Variants in SYT16 observed in about 807,000 individuals in gnomAD.
The protein encoded by SYT16 is synaptotagmin-16.
SYT16 carries 42 observed loss-of-function variants against 61.4 expected under a neutral mutation model. That is an observed-to-expected ratio of 0.68 (90% confidence interval 0.53 to 0.89). The LOEUF is 0.89. Ranked by LOEUF, SYT16 falls within the 40% of genes least tolerant of loss-of-function variation. The probability of loss-of-function intolerance (pLI) is 0.00; values close to 1 mark genes in which losing one functional copy is unlikely to be tolerated. For missense variants in SYT16, 804 were observed against 807.3 expected (o/e 1.00, Z 0.05); for synonymous variants, 314 against 302.3 (o/e 1.04, Z -0.40).
intron 1 of SYT16, among the ~76,000 whole-genome samples, chr14:61,919,230 T>G (rs1049992050): frequency 3.3e-5 from 5 of 152,228 alleles, no homozygotes; most frequent in African/African-American, 9.6e-5. Context: ...CCCATTTTCC[T>G]AAGACAGATC....
At chr14:62,040,026 C>CTT (rs1019972795) in intron 3 of SYT16, among the ~76,000 whole-genome samples, 4 of 146,894 alleles carry the variant, frequency 2.7e-5, no homozygotes, top group African/African-American at 1.0e-4. Context: ...CTTGGTTCTG[C>CTT]TTTTTTTTTT....
intron 1 of SYT16, among the ~76,000 whole-genome samples, chr14:61,950,089 CCTTT>C (rs1015934578): frequency 6.6e-6 from 1 of 152,068 alleles, no homozygotes; most frequent in Non-Finnish European, 1.5e-5. Flanking sequence ...TTTGTTTGCC[CCTTT>C]CTGAAGTTAT....
chr14:61,850,089 A>G (rs750072340), intron 1 of SYT16, among the ~76,000 whole-genome samples: 25 of 151,700 alleles, frequency 1.6e-4, no homozygotes, highest in Admixed American at 6.6e-5. Context: ...TGACTGGTGT[A>G]AGATGGTATC....
At chr14:61,945,855 C>T (rs1353829929) in intron 1 of SYT16, among the ~76,000 whole-genome samples, 3 of 64,490 alleles carry the variant, frequency 4.7e-5, no homozygotes, top group African/African-American at 1.3e-4. Context: ...GACTCCGTCT[C>T]AAAAAAAAAA....
At chr14:61,833,006 G>A (rs2045990728) in intron 1 of SYT16, among the ~76,000 whole-genome samples, 1 of 152,154 alleles carries the variant, frequency 6.6e-6, no homozygotes, top group Non-Finnish European at 1.5e-5. Context: ...ATGGTGATTC[G>A]TTTCCTCCTG....
chr14:61,854,528 C>T (rs2046717931), intron 1 of SYT16, among the ~76,000 whole-genome samples: 1 of 152,190 alleles, frequency 6.6e-6, no homozygotes, highest in Non-Finnish European at 1.5e-5. Context: ...TTGCTTGTGC[C>T]TTTCCTTTTT....
chr14:61,838,066 T>G (rs531827275), intron 1 of SYT16, among the ~76,000 whole-genome samples: 2 of 152,242 alleles, frequency 1.3e-5, no homozygotes, highest in African/African-American at 4.8e-5. Context: ...GTCAATGTTA[T>G]GTCTCAAAGC....
chr14:62,076,461 T>A (rs1803523245), intron 5 of SYT16, among the ~76,000 whole-genome samples: 2 of 150,462 alleles, frequency 1.3e-5, no homozygotes, highest in South Asian at 4.2e-4. Context: ...AAAAAAGGAA[T>A]CACAGAAAAC....
At chr14:61,906,787 G>GTCCGTCCATCCATCCATCCATCCA (rs375002498) in intron 1 of SYT16, among the ~76,000 whole-genome samples, 138 of 142,420 alleles carry the variant, frequency 9.7e-4, no homozygotes, top group Non-Finnish European at 7.0e-4. Context: ...CCGTCCGTCC[G>GTCCGTCCATCCATCCATCCATCCA]TCCATCCATC....
chr14:62,027,882 G>GGCGGT (rs536949273), intron 3 of SYT16, among the ~76,000 whole-genome samples: 13 of 152,138 alleles, frequency 8.5e-5, no homozygotes, highest in Non-Finnish European at 1.8e-4. Context: ...ATTTTGTGCA[G>GGCGGT]GCGGTGTATT....
rs1275259629 is a variant in SYT16, at chr14:62,015,129, G to A, written c.523+18587G>A. 7.9e-5 allele frequency among the ~76,000 whole-genome samples: 12 copies of A among 152,142 alleles called. 1 individual carries two copies. The South Asian group carries it at 1.9e-3, about 24-fold the overall frequency. On this transcript the variant is annotated intron_variant, in intron 3 of 7. Transcript: ENST00000683842. ...TTAGCTGCTTCCTCTTCTATGTTCCGATAGCATGTTACATTTCTCAATAAT... is the reference window on the plus strand; with the variant it reads ...TTAGCTGCTTCCTCTTCTATGTTCCAATAGCATGTTACATTTCTCAATAAT...
chr14:61,983,294 A>G (rs2052164130), intron 2 of SYT16, among the ~76,000 whole-genome samples: 1 of 152,204 alleles, frequency 6.6e-6, no homozygotes, highest in African/African-American at 2.4e-5. Context: ...GTGTTCCTCT[A>G]AAGCCTACTT....
At chr14:61,875,308 A>G (rs1473103739) in intron 1 of SYT16, among the ~76,000 whole-genome samples, 1 of 152,106 alleles carries the variant, frequency 6.6e-6, no homozygotes, top group Non-Finnish European at 1.5e-5. Context: ...TGACCTTTCT[A>G]TGTTTGGTTA....
intron 4 of SYT16, among the ~76,000 whole-genome samples, chr14:62,071,502 G>A (rs1256279628): frequency 6.6e-6 from 1 of 152,162 alleles, no homozygotes; most frequent in Non-Finnish European, 1.5e-5. Flanking sequence ...CTACTACATT[G>A]AATGAAGTAC....
At chr14:62,088,397 A>G (rs72720805) in intron 7 of SYT16, among the ~76,000 whole-genome samples, 2,115 of 152,336 alleles carry the variant, frequency 0.014, 20 homozygotes, top group Admixed American at 0.034. Flanking sequence ...TAGTGGAGAA[A>G]AAAAGCAAAG....
In SYT16 at chr14:61,888,014, C is replaced by G. The variant is rs1236453690; in HGVS notation, c.-325+75204C>G. On this transcript the variant is annotated intron_variant, in intron 1 of 7. Coordinates refer to ENST00000683842, the MANE Select transcript of SYT16 (RefSeq NM_001367656.1). Reference sequence around the variant, plus strand: ...CTTTTCACATGCTTTTCTCACTCAGCTTTATCATTTTTATCTTTTGATTTA... The same window carrying G: ...CTTTTCACATGCTTTTCTCACTCAGGTTTATCATTTTTATCTTTTGATTTA... Among the ~76,000 whole-genome samples the G allele has an allele frequency of 2.6e-5, 4 of 152,222 alleles. No homozygotes were observed. In the East Asian group the frequency reaches 7.7e-4, roughly 29 times the overall value.
At position 61,996,037 on chromosome 14, in the gene SYT16, G is replaced by A. The variant is rs373261948; in HGVS notation, c.18G>A (p.Ala6=). 116 of 1,598,588 alleles carry A rather than the reference G, an allele frequency of 7.3e-5. No individual in the cohort carries two copies. Among genetic ancestry groups the A allele is most frequent in the Non-Finnish European group, 8.0e-5 (94 of 1,172,062 alleles). The change falls in exon 3 of 8, where the codon GCG becomes GCA. Residue 6 remains alanine, a synonymous_variant. Coordinates refer to ENST00000683842, the MANE Select transcript of SYT16 (RefSeq NM_001367656.1). MVLAM[A]SQDVQNFFQP... ...AGCTGGCCATGGTGTTGGCCATGGCGTCTCAGGATGTTCAGAACTTCTTCC... is the reference window on the plus strand; with the variant it reads ...AGCTGGCCATGGTGTTGGCCATGGCATCTCAGGATGTTCAGAACTTCTTCC...
At chr14:62,067,740 C>T (rs944156784) in intron 3 of SYT16, among the ~76,000 whole-genome samples, 4 of 152,102 alleles carry the variant, frequency 2.6e-5, no homozygotes, top group African/African-American at 4.8e-5. Flanking sequence ...TGGTGGCTCA[C>T]GCCTGTAATC....
At chr14:62,082,522 T>C (rs1165820937) in intron 6 of SYT16, among the ~76,000 whole-genome samples, 1 of 152,230 alleles carries the variant, frequency 6.6e-6, no homozygotes, top group Non-Finnish European at 1.5e-5. Flanking sequence ...GCTGGATTAC[T>C]GAAATAGCTG....
Sources: allele counts gnomAD v4.1 joint callset (sites outside exome capture counted in the v4.1 genomes callset), GRCh38; gene constraint gnomAD v4.1.1; transcripts MANE v1.5; gene names NCBI Gene and HGNC (gene_info 2026-07-23, HGNC 2026-07-21).